WDR37: variants seen among roughly 807,000 people sequenced by gnomAD.
WDR37 encodes WD repeat-containing protein 37.
A neutral mutation model predicts 62.9 loss-of-function variants in WDR37; 19 were observed. The observed-to-expected ratio is 0.30, with a 90% CI of 0.21 to 0.44. WDR37 has a LOEUF of 0.44. WDR37 is among the 20% of genes least tolerant of loss of function. The pLI, the probability that WDR37 is intolerant of heterozygous loss-of-function variation, is 1.00. For synonymous variants in WDR37, 250 were observed against 260.9 expected (o/e 0.96, Z 0.40); for missense variants, 474 against 657.6 (o/e 0.72, Z 3.05).
intron 2 of WDR37, chr10:1,074,446 C>T: frequency 7.7e-7 from 1 of 1,304,388 alleles, no homozygotes; most frequent in Non-Finnish European, 1.0e-6. Context: ...CACGCTCGCT[C>T]CCTAGACGGA....
chr10:1,129,121 C>A, intron 13 of WDR37, 92 bp from the exon 14 acceptor site: 1 of 1,548,328 alleles, frequency 6.5e-7, no homozygotes, highest in Non-Finnish European at 8.8e-7. Context: ...AACTTACGTA[C>A]TTTGAGTGAT....
intron 6 of WDR37, among the ~76,000 whole-genome samples, chr10:1,084,963 T>C (rs1834153749): frequency 1.3e-5 from 2 of 152,190 alleles, no homozygotes; most frequent in South Asian, 4.1e-4. Context: ...CAATTATTTG[T>C]TTTCTTTTTC....
rs1834198153 is a variant in WDR37 at position 1,086,266 on chromosome 10, T to A, written c.533-20T>A. 1.2e-6 allele frequency: 2 copies of A among 1,611,296 alleles called. No homozygotes were observed. The highest frequency in any genetic ancestry group is 1.7e-6 in the Non-Finnish European group (2 of 1,177,848). ...AACTGATGATAGCTAAGTTCCGACT[T>A]CTTCATTTCCATCTTGCAGATCACA... On this transcript the variant is annotated intron_variant, in intron 6 of 13. Transcript: ENST00000263150.
intron 8 of WDR37, among the ~76,000 whole-genome samples, chr10:1,094,573 CAAG>C (rs1834504683): frequency 6.6e-6 from 1 of 152,124 alleles, no homozygotes; most frequent in Non-Finnish European, 1.5e-5. Context: ...CTAAAGCAGA[CAAG>C]GAGTTTACAC....
intron 3 of WDR37, 25 bp from the exon 4 acceptor site, chr10:1,079,985 AT>A (rs1209174866): frequency 6.2e-7 from 1 of 1,608,790 alleles, no homozygotes; most frequent in South Asian, 1.1e-5. Flanking sequence ...CATACTTTAG[AT>A]TTTTGAAAAC....
chr10:1,089,661 G>A (rs142479292), intron 7 of WDR37, among the ~76,000 whole-genome samples: 831 of 28,994 alleles, frequency 0.029, 12 homozygotes, highest in African/African-American at 0.056. Flanking sequence ...GTGCTCACCC[G>A]CAGTTCGGCC....
At chr10:1,069,389 A>ATATATATATATATATT in intron 1 of WDR37, among the ~76,000 whole-genome samples, 13 of 95,806 alleles carry the variant, frequency 1.4e-4, no homozygotes, top group African/African-American at 1.4e-4. Context: ...ATATATATAT[A>ATATATATATATATATT]TTTTTTTTTT....
chr10:1,058,090 C>CACGGTATGTAAACACGATATG (rs11283910), intron 1 of WDR37, among the ~76,000 whole-genome samples: 2 of 151,776 alleles, frequency 1.3e-5, no homozygotes, highest in Non-Finnish European at 2.9e-5. Context: ...TAAATATGAA[C>CACGGTATGTAAACACGATATG]TCACCAATGT....
chr10:1,095,195 G>A (rs1834532808), intron 8 of WDR37, among the ~76,000 whole-genome samples: 1 of 148,356 alleles, frequency 6.7e-6, no homozygotes, highest in African/African-American at 2.5e-5. Flanking sequence ...TGGGAAATGT[G>A]AGGTGACGAG....
intron 2 of WDR37, 34 bp from the exon 3 acceptor site, chr10:1,077,873 A>T: frequency 6.6e-7 from 1 of 1,504,776 alleles, no homozygotes. Context: ...TTTTTCATTC[A>T]TTCATTCATT....
Position 1,129,315 on chromosome 10 carries a change from A to C in WDR37, c.1456A>C (p.Asn486His). Reference protein sequence around the residue: ...FDRQAIGWNINIPALLQEK With the variant: ...FDRQAIGWNIHIPALLQEK The stretch of plus-strand genomic sequence containing the variant: ...CCGGCAAGCCATTGGTTGGAACATC[A>C]ACATCCCTGCATTGCTACAAGAAAA... Residue 486 changes from asparagine to histidine, a missense_variant, in exon 14 of 14, where the codon AAC becomes CAC. Asn to His is a moderately conservative substitution (Grantham distance 68). Transcript: ENST00000263150. The C allele has an allele frequency of 6.2e-7, 1 of 1,614,056 alleles. No homozygotes were observed. The highest frequency in any genetic ancestry group is 1.7e-5 in the Admixed American group (1 of 60,000).
At chr10:1,110,636 G>C (rs746235519) in intron 11 of WDR37, among the ~76,000 whole-genome samples, 4 of 152,256 alleles carry the variant, frequency 2.6e-5, no homozygotes, top group Non-Finnish European at 4.4e-5. Context: ...GGAATGGCCA[G>C]GTTGTGTGTG....
In WDR37 at chr10:1,077,968, G is replaced by C. The variant is rs1274463510; in HGVS notation, c.200G>C (p.Arg67Thr). ...TLLELFGQIE[R>T]EFENLYIENL... ...CTGGAACTGTTTGGTCAAATAGAAA[G>C]AGAATTTGAAAACCTTTATATCGAA... The change falls in exon 3 of 14, where the codon AGA (arginine) becomes ACA (threonine). Residue 67 changes from arginine to threonine, a missense_variant. Coordinates refer to ENST00000263150, the MANE Select transcript of WDR37 (RefSeq NM_014023.4). 6.2e-7 allele frequency: 1 copy of C among 1,611,416 alleles called. No individual in the cohort carries two copies. The highest frequency in any genetic ancestry group is 1.1e-5 in the South Asian group (1 of 90,630).
intron 11 of WDR37, among the ~76,000 whole-genome samples, chr10:1,114,521 G>T (rs1454686683): frequency 1.3e-5 from 2 of 152,198 alleles, no homozygotes; most frequent in African/African-American, 4.8e-5. Flanking sequence ...TGCACATTGC[G>T]TTTTTAGAGG....
At chr10:1,112,633 A>G (rs1170750413) in intron 11 of WDR37, among the ~76,000 whole-genome samples, 1 of 152,236 alleles carries the variant, frequency 6.6e-6, no homozygotes, top group East Asian at 1.9e-4. Context: ...AAGGAAAGTA[A>G]AACTGCTACT....
chr10:1,118,963 C>A (rs1431449414), intron 11 of WDR37, among the ~76,000 whole-genome samples: 1 of 152,240 alleles, frequency 6.6e-6, no homozygotes, highest in African/African-American at 2.4e-5. Flanking sequence ...CTCTTACTTA[C>A]TGCTCCTGAA....
chr10:1,094,240 C>T (rs1047437081), intron 8 of WDR37, among the ~76,000 whole-genome samples: 10 of 152,272 alleles, frequency 6.6e-5, no homozygotes, highest in Admixed American at 1.3e-4. Flanking sequence ...CTAAAAGCAG[C>T]GGACAGTGCA....
At chr10:1,096,273 G>C (rs1042113680) in intron 9 of WDR37, 27 bp downstream of exon 9, 4 of 1,608,908 alleles carry the variant, frequency 2.5e-6, no homozygotes, top group Middle Eastern at 1.6e-4. Flanking sequence ...ACCTGTGAAT[G>C]TGTAGGATGC....
chr10:1,074,626 G>T, intron 2 of WDR37: 1 of 870,424 alleles, frequency 1.1e-6, no homozygotes, highest in South Asian at 1.5e-5. Context: ...TGTGGTGTCT[G>T]CCGCACGCGT....
Sources: allele counts gnomAD v4.1 joint callset (sites outside exome capture counted in the v4.1 genomes callset), GRCh38; gene constraint gnomAD v4.1.1; transcripts MANE v1.5; gene names NCBI Gene and HGNC (gene_info 2026-07-23, HGNC 2026-07-21).